The following RHPN2 variants were observed in gnomAD, a reference collection of about 807,000 sequenced individuals.
RHPN2 encodes the protein rhophilin-2.
In RHPN2, 40 loss-of-function variants were observed where a neutral mutation model predicts 79.0. The ratio of observed to expected loss-of-function variants is 0.51; its 90% CI spans 0.39 to 0.66. The LOEUF (loss-of-function observed/expected upper bound fraction) is 0.66, where lower values mean the gene tolerates loss of function less well. Ranked by LOEUF, RHPN2 falls within the 30% of genes least tolerant of loss-of-function variation. The pLI is 0.00. For synonymous variants in RHPN2, 285 were observed against 363.5 expected, an observed-to-expected ratio of 0.78 and a Z score of 2.46; for missense variants, 686 against 883.5, an observed-to-expected ratio of 0.78 and a Z score of 2.83.
At chr19:33,013,322 G>A (rs1472894573) in intron 4 of RHPN2, among the ~76,000 whole-genome samples, 1 of 151,988 alleles carries the variant, frequency 6.6e-6, no homozygotes, top group Non-Finnish European at 1.5e-5. Context: ...AGCCTCCCAA[G>A]TAGCTGGGAT....
chr19:33,032,155 G>A (rs1267537509), intron 2 of RHPN2, among the ~76,000 whole-genome samples: 1 of 151,612 alleles, frequency 6.6e-6, no homozygotes, highest in Non-Finnish European at 1.5e-5. Context: ...CGAGTAGCTG[G>A]GATTACAGGA....
intron 5 of RHPN2, 63 bp downstream of exon 5, chr19:33,012,584 A>G: frequency 9.9e-7 from 1 of 1,014,308 alleles, no homozygotes; most frequent in Non-Finnish European, 1.6e-6. Context: ...AGCGTGCAAT[A>G]ATGGGGTTCC....
intron 1 of RHPN2, among the ~76,000 whole-genome samples, chr19:33,048,725 C>CAAAAAAA (rs58396784): frequency 0.026 from 1,604 of 62,590 alleles, 120 homozygotes; most frequent in Non-Finnish European, 0.036. Context: ...GACTCAGTCT[C>CAAAAAAA]AAAAAAAAAA....
intron 1 of RHPN2, among the ~76,000 whole-genome samples, chr19:33,055,783 C>T (rs1391861407): frequency 1.3e-5 from 2 of 151,854 alleles, no homozygotes; most frequent in East Asian, 1.9e-4. Flanking sequence ...CCTTCTCTGC[C>T]GGAGCCTCCA....
intron 1 of RHPN2, among the ~76,000 whole-genome samples, chr19:33,059,076 C>G (rs887536922): frequency 6.6e-6 from 1 of 151,582 alleles, no homozygotes; most frequent in Non-Finnish European, 1.5e-5. Flanking sequence ...GCCTGGGGGA[C>G]AGAGCAAGAC....
intron 4 of RHPN2, among the ~76,000 whole-genome samples, chr19:33,014,351 G>C (rs1056252825): frequency 1.3e-5 from 2 of 151,898 alleles, no homozygotes; most frequent in African/African-American, 4.8e-5. Flanking sequence ...TGTCGTCCAG[G>C]GTGGAGTGCA....
At chr19:33,049,204 G>A (rs1972168023) in intron 1 of RHPN2, among the ~76,000 whole-genome samples, 1 of 152,148 alleles carries the variant, frequency 6.6e-6, no homozygotes, top group Non-Finnish European at 1.5e-5. Flanking sequence ...TCCCTGAGAG[G>A]TAAATCTGGA....
chr19:32,990,137 TAAAGAAAGAAAG>T (rs67167337), intron 14 of RHPN2, among the ~76,000 whole-genome samples: 3 of 17,872 alleles, frequency 1.7e-4, no homozygotes, highest in Non-Finnish European at 4.2e-4. Context: ...AGAAAATGAA[TAAAGAAAGAAAG>T]AAAGAAAGAA....
chr19:33,005,412 C>CAAAA (rs766044835), intron 7 of RHPN2, among the ~76,000 whole-genome samples: 5 of 62,704 alleles, frequency 8.0e-5, no homozygotes, highest in Non-Finnish European at 1.1e-4. Flanking sequence ...GATTCTGTCT[C>CAAAA]AAAAAAAAAA....
At chr19:33,027,091 T>G (rs1289115137) in intron 2 of RHPN2, 2 of 265,734 alleles carry the variant, frequency 7.5e-6, no homozygotes, top group Non-Finnish European at 1.5e-5. Flanking sequence ...AAACTCTGTC[T>G]CTACTAAAAA....
intron 9 of RHPN2, among the ~76,000 whole-genome samples, chr19:33,000,973 T>C (rs564131563): frequency 8.7e-5 from 13 of 149,656 alleles, no homozygotes; most frequent in African/African-American, 2.9e-4. Flanking sequence ...GAGTGGCGGC[T>C]CACACTTTCA....
intron 1 of RHPN2, among the ~76,000 whole-genome samples, chr19:33,055,707 G>A (rs567336638): frequency 6.7e-6 from 1 of 148,816 alleles, no homozygotes; most frequent in East Asian, 2.0e-4. Flanking sequence ...TCCTTGCAGA[G>A]AGAAGACTGC....
intron 4 of RHPN2, among the ~76,000 whole-genome samples, chr19:33,014,376 G>A (rs1350890762): frequency 6.6e-6 from 1 of 152,046 alleles, no homozygotes; most frequent in African/African-American, 2.4e-5. Flanking sequence ...TGCAATCATA[G>A]CTCACTGCAG....
intron 9 of RHPN2, among the ~76,000 whole-genome samples, chr19:33,000,809 C>T (rs1208619395): frequency 6.6e-6 from 1 of 152,168 alleles, no homozygotes; most frequent in Non-Finnish European, 1.5e-5. Context: ...AAAAGTTGAA[C>T]TCAAATGTCA....
chr19:33,018,696 A>G (rs887888422), intron 4 of RHPN2, among the ~76,000 whole-genome samples: 3 of 152,116 alleles, frequency 2.0e-5, no homozygotes, highest in African/African-American at 7.2e-5. Flanking sequence ...CAAACAACTC[A>G]CTGTCTCTGA....
chr19:33,010,910 TGG>T (rs1182545071), intron 6 of RHPN2, among the ~76,000 whole-genome samples: 2 of 151,904 alleles, frequency 1.3e-5, no homozygotes, highest in Non-Finnish European at 2.9e-5. Flanking sequence ...CTCAAACTCC[TGG>T]GCTCAAGTGA....
Position 33,064,847 on chromosome 19 carries a change from G to T in RHPN2, c.6C>A (p.Thr2=). The change falls in exon 1 of 15, where the codon ACC becomes ACA. Residue 2 remains threonine (T), a synonymous_variant. Transcript: ENST00000254260. M[T]DALLPAAPQP... ...GGGGGGCCGCGGGCAACAGCGCGTCGGTCATGCTAGCGGCGCGGGCGCGGA... is the reference window on the plus strand; with the variant it reads ...GGGGGGCCGCGGGCAACAGCGCGTCTGTCATGCTAGCGGCGCGGGCGCGGA... 1 of 1,505,926 alleles carries T rather than the reference G, an allele frequency of 6.6e-7. No homozygotes were observed. The highest frequency in any genetic ancestry group is 8.8e-7 in the Non-Finnish European group (1 of 1,132,396). 93.3% of individuals were successfully genotyped at this position (1,505,926 alleles called of 1,614,324 possible). A position where few individuals can be genotyped will look rare whatever the true frequency, so the allele number is the denominator to read the frequency against.
chr19:33,005,638 G>A (rs1421111768), intron 7 of RHPN2, among the ~76,000 whole-genome samples: 3 of 147,078 alleles, frequency 2.0e-5, no homozygotes, highest in African/African-American at 7.5e-5. Flanking sequence ...CCTGCCCTGC[G>A]GAGGGATGGC....
intron 2 of RHPN2, among the ~76,000 whole-genome samples, chr19:33,032,206 A>T (rs537867927): frequency 2.7e-4 from 40 of 150,282 alleles, no homozygotes; most frequent in African/African-American, 8.4e-4. Flanking sequence ...TTTTTAGTAG[A>T]GACGGGGTTT....
Sources: allele counts gnomAD v4.1 joint callset (sites outside exome capture counted in the v4.1 genomes callset), GRCh38; gene constraint gnomAD v4.1.1; transcripts MANE v1.5; gene names NCBI Gene and HGNC (gene_info 2026-07-23, HGNC 2026-07-21).